The following CDH18 variants were observed in gnomAD, a reference collection of about 807,000 sequenced individuals.
CDH18 encodes cadherin 18.
CDH18 carries 31 observed loss-of-function variants against 67.9 expected under a neutral mutation model. The ratio of observed to expected loss-of-function variants is 0.46; its 90% confidence interval spans 0.34 to 0.62. The LOEUF (loss-of-function observed/expected upper bound fraction) is 0.62, where lower values mean the gene tolerates loss of function less well. CDH18 is among the 20% of genes least tolerant of loss of function. The pLI, the probability that CDH18 is intolerant of heterozygous loss-of-function variation, is 0.01. For missense variants in CDH18, 890 were observed against 975.5 expected, an observed-to-expected ratio of 0.91 and a Z score of 1.17; for synonymous variants, 362 against 347.2, an observed-to-expected ratio of 1.04 and a Z score of -0.48.
intron 1 of CDH18, among the ~76,000 whole-genome samples, chr5:20,356,488 G>A (rs1741617122): frequency 3.3e-5 from 5 of 152,012 alleles, no homozygotes; most frequent in African/African-American, 1.2e-4. Context: ...GATATATAAA[G>A]AGTTAGCTTA....
At chr5:20,110,975 AG>A (rs1747409603) in intron 2 of CDH18, among the ~76,000 whole-genome samples, 2 of 152,322 alleles carry the variant, frequency 1.3e-5, no homozygotes, top group Middle Eastern at 3.4e-3. Flanking sequence ...CTCATAGTAA[AG>A]GATAAAAGAT....
chr5:20,529,794 C>A (rs1045829556), intron 1 of CDH18, among the ~76,000 whole-genome samples: 1 of 151,966 alleles, frequency 6.6e-6, no homozygotes, highest in East Asian at 1.9e-4. Flanking sequence ...AATGAATGGG[C>A]AAAAGTTGGA....
chr5:20,425,051 G>A (rs961958138), intron 1 of CDH18, among the ~76,000 whole-genome samples: 1 of 150,730 alleles, frequency 6.6e-6, no homozygotes, highest in African/African-American at 2.5e-5. Context: ...TAATATGAAA[G>A]ACTTAGTCTT....
intron 2 of CDH18, among the ~76,000 whole-genome samples, chr5:19,877,406 G>A (rs868286587): frequency 6.6e-6 from 1 of 152,042 alleles, no homozygotes; most frequent in Non-Finnish European, 1.5e-5. Flanking sequence ...CAAGAAAAAT[G>A]TGAACAGTTG....
intron 2 of CDH18, among the ~76,000 whole-genome samples, chr5:19,891,788 TTA>T (rs1165090907): frequency 1.3e-5 from 2 of 152,202 alleles, no homozygotes; most frequent in Non-Finnish European, 2.9e-5. Context: ...CATCTCCCTA[TTA>T]TATATGTTTG....
At chr5:20,069,208 C>T (rs111918217) in intron 2 of CDH18, among the ~76,000 whole-genome samples, 1 of 152,062 alleles carries the variant, frequency 6.6e-6, no homozygotes, top group African/African-American at 2.4e-5. Flanking sequence ...TATGCCCCCA[C>T]TTGCTCCCAA....
At chr5:19,690,471 T>C (rs751200401) in intron 5 of CDH18, among the ~76,000 whole-genome samples, 14 of 151,642 alleles carry the variant, frequency 9.2e-5, no homozygotes, top group Middle Eastern at 3.4e-3. Flanking sequence ...TGAAATGTAA[T>C]AGAGACAAAA....
At chr5:19,976,825 G>A (rs1579910324) in intron 2 of CDH18, among the ~76,000 whole-genome samples, 1 of 152,106 alleles carries the variant, frequency 6.6e-6, no homozygotes. Context: ...TGAGTTATGA[G>A]GCAAAAATAA....
chr5:19,895,970 A>G (rs1166135598), intron 2 of CDH18, among the ~76,000 whole-genome samples: 1 of 152,174 alleles, frequency 6.6e-6, no homozygotes, highest in Non-Finnish European at 1.5e-5. Context: ...TGGTCCCCAG[A>G]AAACATCCAT....
At chr5:20,531,577 TG>T (rs1756400642) in intron 1 of CDH18, among the ~76,000 whole-genome samples, 1 of 152,076 alleles carries the variant, frequency 6.6e-6, no homozygotes, top group Admixed American at 6.6e-5. Context: ...AATGAGATTA[TG>T]TCCTTTTCAA....
At chr5:20,290,271 A>C (rs924628530) in intron 1 of CDH18, among the ~76,000 whole-genome samples, 4 of 152,128 alleles carry the variant, frequency 2.6e-5, no homozygotes, top group Admixed American at 2.0e-4. Context: ...CTATGCATTA[A>C]TGCTTGAGAA....
At chr5:20,137,227 T>C (rs1749808163) in intron 2 of CDH18, among the ~76,000 whole-genome samples, 1 of 152,160 alleles carries the variant, frequency 6.6e-6, no homozygotes, top group Non-Finnish European at 1.5e-5. Flanking sequence ...ACCAGTCCGA[T>C]GTAGACTTGC....
chr5:20,539,880 C>T (rs928718029), intron 1 of CDH18, among the ~76,000 whole-genome samples: 5 of 151,980 alleles, frequency 3.3e-5, no homozygotes, highest in Non-Finnish European at 5.9e-5. Flanking sequence ...TTAACTCATA[C>T]GTGACTTCAG....
intron 2 of CDH18, among the ~76,000 whole-genome samples, chr5:20,228,133 G>C (rs893424784): frequency 2.2e-4 from 33 of 152,070 alleles, no homozygotes; most frequent in African/African-American, 7.7e-4. Context: ...AATTTTGTTT[G>C]GTTTGGTTTT....
chr5:20,388,644 C>T (rs1562023883), intron 1 of CDH18, among the ~76,000 whole-genome samples: 1 of 152,124 alleles, frequency 6.6e-6, no homozygotes, highest in Admixed American at 6.6e-5. Flanking sequence ...TTCTCTAGTT[C>T]TTTTAATTGT....
chr5:20,414,298 G>A (rs1484689829), intron 1 of CDH18, among the ~76,000 whole-genome samples: 1 of 152,102 alleles, frequency 6.6e-6, no homozygotes, highest in Non-Finnish European at 1.5e-5. Flanking sequence ...AAAAAATAAT[G>A]GTATCACTTC....
intron 5 of CDH18, among the ~76,000 whole-genome samples, chr5:19,658,075 A>G (rs1756639022): frequency 6.6e-6 from 1 of 152,138 alleles, no homozygotes; most frequent in Admixed American, 6.6e-5. Flanking sequence ...CTGATATTAC[A>G]AAGATTTCTA....
intron 2 of CDH18, among the ~76,000 whole-genome samples, chr5:20,022,581 A>G (rs764577073): frequency 5.9e-5 from 9 of 152,214 alleles, no homozygotes; most frequent in Non-Finnish European, 1.3e-4. Flanking sequence ...GGGTCAATTA[A>G]TTAGTTGTCC....
chr5:20,074,428 C>A (rs1743751160), intron 2 of CDH18, among the ~76,000 whole-genome samples: 1 of 152,080 alleles, frequency 6.6e-6, no homozygotes, highest in East Asian at 1.9e-4. Flanking sequence ...TTGCAAATTA[C>A]TGTTTTGGAC....
Sources: gnomAD v4.1 joint callset for allele counts (sites outside exome capture counted in the v4.1 genomes callset) on GRCh38, gnomAD v4.1.1 for gene constraint, MANE v1.5 for transcripts, NCBI Gene and HGNC (gene_info 2026-07-23, HGNC 2026-07-21) for gene names.